The following TESC variants were observed in gnomAD, a reference collection of about 807,000 sequenced individuals.
TESC encodes calcineurin B homologous protein 3.
In TESC, 19 loss-of-function variants were observed where a neutral mutation model predicts 31.0. The ratio of observed to expected loss-of-function variants is 0.61; its 90% CI spans 0.43 to 0.90. The LOEUF (loss-of-function observed/expected upper bound fraction) is 0.90, where lower values mean the gene tolerates loss of function less well. TESC is among the 40% of genes least tolerant of loss of function. TESC has a pLI of 0.00. For missense variants in TESC, 248 were observed against 303.8 expected, an observed-to-expected ratio of 0.82 and a Z score of 1.36; for synonymous variants, 109 against 114.8, an observed-to-expected ratio of 0.95 and a Z score of 0.32.
intron 2 of TESC, among the ~76,000 whole-genome samples, chr12:117,060,828 C>A (rs939346662): frequency 1.3e-5 from 2 of 152,334 alleles, no homozygotes; most frequent in South Asian, 4.1e-4. Flanking sequence ...GCCCAGATCC[C>A]TGAGAAAGGG....
Position 117,099,361 on chromosome 12 carries a change from G to T in TESC, c.-79C>A. The T allele has an allele frequency of 7.7e-7, 1 of 1,303,164 alleles. No homozygotes were observed. The highest frequency in any genetic ancestry group is 9.8e-7 in the Non-Finnish European group (1 of 1,020,750). 80.7% of individuals were successfully genotyped at this position (1,303,164 alleles called of 1,614,324 possible). The stretch of plus-strand genomic sequence containing the variant: ...CTTCGGCTGCGCAGCGGCGGGACTG[G>T]CCTCGGGTCCGGCCTCGGGTCGGGA... On this transcript the variant is annotated 5_prime_UTR_variant, in exon 1 of 8. Coordinates refer to ENST00000335209, the MANE Select transcript of TESC (RefSeq NM_017899.4).
In TESC at chr12:117,056,796, A is replaced by G. The variant is rs369312791; in HGVS notation, c.209+10T>C. 2.5e-6 allele frequency: 4 copies of G among 1,614,064 alleles called. No individual in the cohort carries two copies. Among genetic ancestry groups the G allele is most frequent in the Non-Finnish European group, 3.4e-6 (4 of 1,179,956 alleles). ...CCTGCCACTGGGCTGGTTCAGGGGA[A>G]AACGCCCACCTGTTGTCGAAGAAGG... On this transcript the variant is annotated intron_variant, in intron 3 of 7. Coordinates refer to ENST00000335209, the MANE Select transcript of TESC (RefSeq NM_017899.4).
At chr12:117,079,159 T>G (rs1955111986) in intron 1 of TESC, among the ~76,000 whole-genome samples, 1 of 152,166 alleles carries the variant, frequency 6.6e-6, no homozygotes, top group African/African-American at 2.4e-5. Flanking sequence ...CTTTTTTTTA[T>G]TTGTCTGTCT....
intron 3 of TESC, among the ~76,000 whole-genome samples, chr12:117,053,696 C>T (rs528959117): frequency 6.6e-6 from 1 of 152,296 alleles, no homozygotes; most frequent in East Asian, 1.9e-4. Context: ...CTCGTGCCTA[C>T]ACACACCCCC....
In TESC at chr12:117,056,813, C is replaced by T. The variant is rs1243111559; in HGVS notation, c.202G>A (p.Asp68Asn). ...TCAGGGGAAAACGCCCACCTGTTGTCGAAGAAGGCACGAACAATTTTGGAT... is the reference window on the plus strand; with the variant it reads ...TCAGGGGAAAACGCCCACCTGTTGTTGAAGAAGGCACGAACAATTTTGGAT... ...IRSKIVRAFF[D>N]NRNLRKGPSG... The change falls in exon 3 of 8, where the codon GAC becomes AAC. Residue 68 changes from aspartate (D) to asparagine (N), a missense_variant. Asp to Asn is a conservative substitution (Grantham distance 23). Transcript: ENST00000335209. The T allele has an allele frequency of 1.9e-6, 3 of 1,613,952 alleles. No homozygotes were observed. The highest frequency in any genetic ancestry group is 1.7e-5 in the Admixed American group (1 of 59,990).
chr12:117,090,025 C>T (rs1016406777), intron 1 of TESC, among the ~76,000 whole-genome samples: 3 of 151,480 alleles, frequency 2.0e-5, no homozygotes, highest in African/African-American at 7.3e-5. Context: ...TCAACAGCAA[C>T]AAGACCAAAA....
rs571283525 is a variant in TESC at position 117,076,537 on chromosome 12, G to A, written c.59-1197C>T. Among the ~76,000 whole-genome samples the A allele has an allele frequency of 6.6e-5, 10 of 152,204 alleles. No homozygotes were observed. In the East Asian group the frequency reaches 7.8e-4, roughly 12 times the overall value. On this transcript the variant is annotated intron_variant, in intron 1 of 7. Transcript: ENST00000335209. ...TCAGCTCATTGCCACCTCTGCCTCC[G>A]TGTTCCAGCGATTCTCGCGCCCCAG...
At chr12:117,056,971 G>A (rs535782756) in intron 2 of TESC, 85 bp from the exon 3 acceptor site, 1 of 1,398,818 alleles carries the variant, frequency 7.1e-7, no homozygotes, top group African/African-American at 1.4e-5. Context: ...GTATCAAGCT[G>A]TATTTTGGAT....
At chr12:117,085,860 T>C (rs1955213383) in intron 1 of TESC, among the ~76,000 whole-genome samples, 1 of 152,158 alleles carries the variant, frequency 6.6e-6, no homozygotes, top group African/African-American at 2.4e-5. Context: ...GTTGTTCATG[T>C]CATGAAAAAC....
Position 117,038,985 on chromosome 12 carries a change from T to C in TESC, c.*148A>G. 2 of 709,326 alleles carry C rather than the reference T, an allele frequency of 2.8e-6. No homozygotes were observed. The highest frequency in any genetic ancestry group is 2.8e-5 in the East Asian group (1 of 35,334). The allele number at this position is 709,326 out of a possible 1,614,324, so 43.9% of individuals were successfully genotyped here. ...AAAAACAGCGAAGTCCCACATACCATACCCTACAAGACACAAGGTGCGCAG... is the reference window on the plus strand; with the variant it reads ...AAAAACAGCGAAGTCCCACATACCACACCCTACAAGACACAAGGTGCGCAG... On this transcript the variant is annotated 3_prime_UTR_variant, in exon 8 of 8. Coordinates refer to ENST00000335209, the MANE Select transcript of TESC (RefSeq NM_017899.4).
At chr12:117,083,271 G>C (rs1472911785) in intron 1 of TESC, among the ~76,000 whole-genome samples, 1 of 152,158 alleles carries the variant, frequency 6.6e-6, no homozygotes, top group Non-Finnish European at 1.5e-5. Context: ...TAGAGATGGG[G>C]TTTCACCGTT....
At position 117,046,600 on chromosome 12, in the gene TESC, C is replaced by T. The variant is rs1478846854; in HGVS notation, c.478G>A (p.Gly160Arg). 1.9e-6 allele frequency: 3 copies of T among 1,551,326 alleles called. No individual in the cohort carries two copies. The highest frequency in any genetic ancestry group is 2.6e-6 in the Non-Finnish European group (3 of 1,147,002). Residue 160 changes from glycine (G) to arginine (R), a missense_variant, in exon 6 of 8, where the codon GGG becomes AGG. By Grantham distance (125) the Gly-to-Arg change is moderately radical. Transcript: ENST00000335209. ...ACGCTGGCCGCCTCCATCATGGCCC[C>T]GTCGGCGATGGAGCGAGCGGACTCC... is the stretch of plus-strand genomic sequence containing the variant. ...EKESARSIAD[G>R]AMMEAASVCM...
intron 6 of TESC, among the ~76,000 whole-genome samples, chr12:117,042,953 T>C (rs1954506558): frequency 6.6e-6 from 1 of 151,804 alleles, no homozygotes; most frequent in Non-Finnish European, 1.5e-5. Context: ...ATTGCAAAAA[T>C]TGAAAAAGCT....
intron 6 of TESC, among the ~76,000 whole-genome samples, chr12:117,044,616 AGGCCG>A (rs1349875029): frequency 6.6e-6 from 1 of 152,168 alleles, no homozygotes; most frequent in East Asian, 1.9e-4. Context: ...AAAGATCCAC[AGGCCG>A]GCGCGACGGC....
intron 1 of TESC, 37 bp from the exon 2 acceptor site, chr12:117,075,377 A>G: frequency 1.3e-6 from 2 of 1,598,558 alleles, no homozygotes; most frequent in Non-Finnish European, 1.7e-6. Flanking sequence ...ACAAGACAGA[A>G]AAAAAAATCA....
intron 3 of TESC, among the ~76,000 whole-genome samples, chr12:117,049,560 A>G (rs1358473330): frequency 6.6e-6 from 1 of 152,194 alleles, no homozygotes. Context: ...AACAGCCCAT[A>G]GGCCCAATTT....
At chr12:117,071,622 A>T (rs1159797107) in intron 2 of TESC, among the ~76,000 whole-genome samples, 1 of 152,126 alleles carries the variant, frequency 6.6e-6, no homozygotes, top group Non-Finnish European at 1.5e-5. Context: ...CCTTTGAATG[A>T]CCCTGCCAGG....
intron 1 of TESC, among the ~76,000 whole-genome samples, chr12:117,075,883 A>ATATATATATATATATATATGTGTGTGTG (rs1955053599): frequency 3.9e-5 from 1 of 25,892 alleles, no homozygotes; most frequent in African/African-American, 2.5e-4. Context: ...GTGTATATAT[A>ATATATATATATATATATATGTGTGTGTG]TATATATATA....
At chr12:117,097,606 T>C (rs574073635) in intron 1 of TESC, among the ~76,000 whole-genome samples, 1 of 152,318 alleles carries the variant, frequency 6.6e-6, no homozygotes, top group East Asian at 1.9e-4. Flanking sequence ...GAGGAATCCC[T>C]CCTTTCTCTC....
Sources: allele counts gnomAD v4.1 joint callset (sites outside exome capture counted in the v4.1 genomes callset), GRCh38; gene constraint gnomAD v4.1.1; transcripts MANE v1.5; gene names NCBI Gene and HGNC (gene_info 2026-07-23, HGNC 2026-07-21).